CNTNAP3: variants seen among roughly 807,000 people sequenced by gnomAD.
CNTNAP3 encodes the protein contactin-associated protein-like 3.
CNTNAP3 carries 36 observed loss-of-function variants against 92.1 expected under a neutral mutation model. The observed-to-expected ratio is 0.39, with a 90% CI of 0.30 to 0.52. CNTNAP3 has a LOEUF of 0.52. Among genes scored for constraint, CNTNAP3 ranks in the 20% least tolerant of loss-of-function variants. The pLI, the probability that CNTNAP3 is intolerant of heterozygous loss-of-function variation, is 0.76. For missense variants in CNTNAP3, 534 were observed against 1,069.6 expected, an observed-to-expected ratio of 0.50 and a Z score of 6.98; for synonymous variants, 232 against 422.3, an observed-to-expected ratio of 0.55 and a Z score of 5.53.
intron 12 of CNTNAP3, among the ~76,000 whole-genome samples, chr9:39,139,295 A>G (rs996925057): frequency 6.6e-6 from 1 of 152,068 alleles, no homozygotes; most frequent in African/African-American, 2.4e-5. Flanking sequence ...GAGTCTTTTG[A>G]TATCCACCAA....
intron 23 of CNTNAP3, among the ~76,000 whole-genome samples, chr9:39,074,927 C>T (rs531375532): frequency 7.9e-5 from 12 of 152,412 alleles, no homozygotes; most frequent in Non-Finnish European, 1.3e-4. Flanking sequence ...CGCCACCGCG[C>T]CCGGCTAACT....
Position 39,078,783 on chromosome 9 carries a change from G to C in CNTNAP3, c.3580C>G (p.Arg1194Gly), listed in dbSNP as rs1192325660. 6 of 1,522,880 alleles carry C rather than the reference G, an allele frequency of 3.9e-6. No homozygotes were observed. The highest frequency in any genetic ancestry group is 5.3e-6 in the Non-Finnish European group (6 of 1,142,156). 94.3% of individuals were successfully genotyped at this position (1,522,880 alleles called of 1,614,324 possible). The change falls in exon 22 of 24, where the codon CGC (arginine) becomes GGC (glycine). Residue 1194 changes from arginine to glycine, a missense_variant. Physicochemically the swap from Arg to Gly is moderately radical, Grantham distance 125. Transcript: ENST00000297668. ...RPSGPSRVTV[R>G]GHVAPMARCA... ...CGGGCCATAGGGGCCACGTGGCCGC[G>C]GACGGTGACCCGGGAGGGGCCGCTG...
chr9:39,108,364 T>G (rs1309890962), intron 15 of CNTNAP3, among the ~76,000 whole-genome samples: 4 of 152,094 alleles, frequency 2.6e-5, no homozygotes, highest in Non-Finnish European at 5.9e-5. Context: ...CTACAGAAAC[T>G]GCTTGGTATT....
chr9:39,125,917 A>C (rs1821143934), intron 13 of CNTNAP3, among the ~76,000 whole-genome samples: 3 of 152,202 alleles, frequency 2.0e-5, no homozygotes, highest in African/African-American at 7.2e-5. Flanking sequence ...TGAGTAAGTG[A>C]CAGACTCAGC....
rs1386445514 is a variant in CNTNAP3, at chr9:39,071,647, G to C, written c.*2243C>G. Among the ~76,000 whole-genome samples the C allele has an allele frequency of 2.6e-5, 4 of 151,750 alleles. No individual in the cohort carries two copies. The highest frequency in any genetic ancestry group is 4.4e-5 in the Non-Finnish European group (3 of 67,926). On this transcript the variant is annotated 3_prime_UTR_variant, in exon 24 of 24. Transcript: ENST00000297668. ...ATAACGTTTAGTGACTTAATTCTCT[G>C]CAACAGTAAAAAGTACTCAATTTAG...
At chr9:39,118,666 C>G (rs111759509) in intron 13 of CNTNAP3, among the ~76,000 whole-genome samples, 1 of 152,160 alleles carries the variant, frequency 6.6e-6, no homozygotes, top group Non-Finnish European at 1.5e-5. Flanking sequence ...ATTGATTTAT[C>G]TCATCCCATC....
chr9:39,112,948 A>T (rs946873450), intron 14 of CNTNAP3, among the ~76,000 whole-genome samples: 2 of 152,142 alleles, frequency 1.3e-5, no homozygotes, highest in Admixed American at 6.5e-5. Flanking sequence ...CACACAAGTA[A>T]AACCACTTGG....
intron 13 of CNTNAP3, among the ~76,000 whole-genome samples, chr9:39,126,324 G>A (rs1821151709): frequency 6.6e-6 from 1 of 152,112 alleles, no homozygotes; most frequent in Admixed American, 6.6e-5. Context: ...TTCCCAAACA[G>A]AAGGTACCAA....
intron 16 of CNTNAP3, among the ~76,000 whole-genome samples, 176 bp from the exon 17 acceptor site, chr9:39,102,891 C>A (rs1194510345): frequency 5.9e-5 from 9 of 152,188 alleles, no homozygotes; most frequent in Admixed American, 1.3e-4. Context: ...TGGAGGAAAA[C>A]AGAACGGATT....
intron 18 of CNTNAP3, among the ~76,000 whole-genome samples, chr9:39,095,689 G>T (rs1826309144): frequency 2.1e-5 from 3 of 141,216 alleles, no homozygotes; most frequent in Admixed American, 2.1e-4. Context: ...CTACGTTTTG[G>T]TATATAGGTC....
At chr9:39,105,405 T>G (rs557091486) in intron 15 of CNTNAP3, among the ~76,000 whole-genome samples, 13 of 152,254 alleles carry the variant, frequency 8.5e-5, no homozygotes, top group African/African-American at 3.1e-4. Flanking sequence ...CCAGCCTGGG[T>G]GACAGAGCAA....
chr9:39,108,886 T>C (rs1826671844), intron 15 of CNTNAP3, among the ~76,000 whole-genome samples: 1 of 152,136 alleles, frequency 6.6e-6, no homozygotes, highest in Non-Finnish European at 1.5e-5. Context: ...TCATGATTGT[T>C]CTGGAAAAAA....
At chr9:39,139,261 T>C (rs1821514559) in intron 12 of CNTNAP3, among the ~76,000 whole-genome samples, 1 of 152,220 alleles carries the variant, frequency 6.6e-6, no homozygotes, top group Admixed American at 6.5e-5. Flanking sequence ...ACAACCAAGG[T>C]CCTTCCTGGT....
intron 4 of CNTNAP3, among the ~76,000 whole-genome samples, chr9:39,179,286 T>TCCAC (rs1491209886): frequency 2.5e-5 from 2 of 80,724 alleles, no homozygotes; most frequent in Non-Finnish European, 4.6e-5. Context: ...TCTCTCTCTC[T>TCCAC]ACACACACAC....
intron 13 of CNTNAP3, among the ~76,000 whole-genome samples, chr9:39,132,684 CTTGA>C (rs1821321445): frequency 6.6e-6 from 1 of 152,132 alleles, no homozygotes; most frequent in African/African-American, 2.4e-5. Context: ...CAAAATTTCC[CTTGA>C]TTAAGAAAGG....
chr9:39,115,527 A>G (rs62570002), intron 14 of CNTNAP3, among the ~76,000 whole-genome samples: 9,234 of 131,296 alleles, frequency 0.07, 265 homozygotes, highest in African/African-American at 0.11. Context: ...CAATCTACAA[A>G]AGTTGGGATA....
rs1587688868 is a variant in CNTNAP3, at chr9:39,067,693, G to A, written c.*6197C>T. On this transcript the variant is annotated 3_prime_UTR_variant, in exon 24 of 24. Transcript: ENST00000297668. ...TTACAGGCATGAGCCACTGTGCCCG[G>A]CCTGGTGTTGGATAGTTTTATGTTA... Among the ~76,000 whole-genome samples, 3 of 152,306 alleles carry A rather than the reference G, an allele frequency of 2.0e-5. No individual in the cohort carries two copies.
chr9:39,104,473 C>CACAT (rs1400064189), intron 15 of CNTNAP3, among the ~76,000 whole-genome samples: 2 of 123,040 alleles, frequency 1.6e-5, no homozygotes, highest in Middle Eastern at 3.5e-3. Context: ...CCTGCACATA[C>CACAT]ACATACACAC....
intron 14 of CNTNAP3, among the ~76,000 whole-genome samples, chr9:39,115,838 A>G (rs372866594): frequency 4.6e-5 from 7 of 151,196 alleles, no homozygotes; most frequent in Admixed American, 1.3e-4. Flanking sequence ...TGGGAGGGTC[A>G]CTCAATACAG....
Sources: allele counts gnomAD v4.1 joint callset (sites outside exome capture counted in the v4.1 genomes callset), GRCh38; gene constraint gnomAD v4.1.1; transcripts MANE v1.5; gene names NCBI Gene and HGNC (gene_info 2026-07-23, HGNC 2026-07-21).